Variants in ACAP2 observed in about 807,000 individuals in gnomAD.
The protein encoded by ACAP2 is ArfGAP with coiled-coil, ankyrin repeat and PH domains 2, also known as arf-GAP with coiled-coil, ANK repeat and PH domain-containing protein 2.
Under a neutral mutation model 115.8 loss-of-function variants are expected in ACAP2, and 39 were observed. That is an observed-to-expected ratio of 0.34 (90% CI 0.26 to 0.44). The LOEUF (loss-of-function observed/expected upper bound fraction) is 0.44. Among genes scored for constraint, ACAP2 ranks in the 20% least tolerant of loss-of-function variants. The pLI, the probability that ACAP2 is intolerant of heterozygous loss-of-function variation, is 1.00. For missense variants in ACAP2, 662 were observed against 927.6 expected (o/e 0.71, Z 3.72); for synonymous variants, 289 against 315.8 (o/e 0.92, Z 0.90).
chr3:195,374,217 C>A (rs936422955), intron 4 of ACAP2, among the ~76,000 whole-genome samples: 1 of 152,042 alleles, frequency 6.6e-6, no homozygotes, highest in African/African-American at 2.4e-5. Flanking sequence ...GAAACCCCAT[C>A]TCTACTAAAA....
chr3:195,381,939 G>C lies in ACAP2; in HGVS notation c.195C>G (p.Asp65Glu), dbSNP rs1334278081. Residue 65 changes from aspartate (D) to glutamate (E), a missense_variant, in exon 3 of 23, where the codon GAC (aspartate) becomes GAG (glutamate). This residue lies in a region of ACAP2 where 401 missense variants were observed against 604.4 expected (regional missense o/e 0.66). Coordinates refer to ENST00000326793, the MANE Select transcript of ACAP2 (RefSeq NM_012287.6). Reference sequence around the variant, plus strand: ...CATCATTACTAGAATACTGAGCCAGGTCTCGAATCCCATTCATGAACTGTT... The same window carrying C: ...CATCATTACTAGAATACTGAGCCAGCTCTCGAATCCCATTCATGAACTGTT... ...ANKQFMNGIRDLAQYSSNDAV... is the reference protein window; with the variant it reads ...ANKQFMNGIRELAQYSSNDAV... 1 of 1,611,306 alleles carries C rather than the reference G, an allele frequency of 6.2e-7. No individual in the cohort carries two copies. The highest frequency in any genetic ancestry group is 1.3e-5 in the African/African-American group (1 of 74,576).
At chr3:195,337,826 A>G (rs564147771) in intron 6 of ACAP2, among the ~76,000 whole-genome samples, 2 of 151,266 alleles carry the variant, frequency 1.3e-5, no homozygotes, top group African/African-American at 4.8e-5. Context: ...GGCAAGGCCC[A>G]GTGTGATGTG....
chr3:195,301,278 G>C (rs1480753354), intron 15 of ACAP2, among the ~76,000 whole-genome samples: 2 of 152,008 alleles, frequency 1.3e-5, no homozygotes, highest in South Asian at 4.1e-4. Context: ...AGTAGAGACG[G>C]GGTTTCACCG....
chr3:195,342,457 A>G lies in ACAP2; in HGVS notation c.528+14T>C. The G allele has an allele frequency of 6.3e-7, 1 of 1,583,318 alleles. No homozygotes were observed. ...AGCACTGTCTGAAAACATACACAGT[A>G]AGAAACTATATACCTGAAGCACATA... On this transcript the variant is annotated intron_variant, in intron 6 of 22. Coordinates refer to ENST00000326793, the MANE Select transcript of ACAP2 (RefSeq NM_012287.6).
intron 4 of ACAP2, among the ~76,000 whole-genome samples, chr3:195,365,767 T>C (rs1021841767): frequency 6.6e-6 from 1 of 152,178 alleles, no homozygotes; most frequent in African/African-American, 2.4e-5. Flanking sequence ...AACTCTTCTT[T>C]GCAATCATCA....
intron 4 of ACAP2, among the ~76,000 whole-genome samples, chr3:195,352,263 T>TAGG (rs1560276558): frequency 6.6e-6 from 1 of 152,202 alleles, no homozygotes; most frequent in Non-Finnish European, 1.5e-5. Flanking sequence ...CCTAGGTGTG[T>TAGG]AGGAGGCTAC....
intron 4 of ACAP2, among the ~76,000 whole-genome samples, chr3:195,359,155 C>T (rs1334415084): frequency 6.6e-6 from 1 of 152,058 alleles, no homozygotes; most frequent in Non-Finnish European, 1.5e-5. Context: ...TTCATCAACA[C>T]CAGACCTGTC....
At chr3:195,424,078 G>A (rs1714412094) in intron 1 of ACAP2, among the ~76,000 whole-genome samples, 1 of 151,368 alleles carries the variant, frequency 6.6e-6, no homozygotes, top group South Asian at 2.1e-4. Flanking sequence ...TACTGAAGAT[G>A]GTTCAAGATT....
In ACAP2 at chr3:195,301,564, AT is replaced by A. The variant is rs758344235; in HGVS notation, c.1395+10del. The stretch of plus-strand genomic sequence containing the variant: ...AAATATGAAATATTTTAAAGCAAAA[AT>A]TTTTTTTACCTTTAAAAGTTCTGGC... On this transcript the variant is annotated intron_variant, in intron 15 of 22. Transcript: ENST00000326793. 12 of 1,582,678 alleles carry A rather than the reference AT, an allele frequency of 7.6e-6. No individual in the cohort carries two copies. Among genetic ancestry groups the A allele is most frequent in the Admixed American group, 1.8e-5 (1 of 54,170 alleles).
intron 1 of ACAP2, among the ~76,000 whole-genome samples, chr3:195,439,191 C>CTTTT (rs3072388): frequency 3.0e-5 from 4 of 133,274 alleles, no homozygotes; most frequent in African/African-American, 2.8e-5. Flanking sequence ...AGGCTAAGGC[C>CTTTT]TTTTTTTTTT....
chr3:195,321,985 G>C (rs1344736134), intron 9 of ACAP2, among the ~76,000 whole-genome samples: 2 of 152,172 alleles, frequency 1.3e-5, no homozygotes, highest in Non-Finnish European at 2.9e-5. Flanking sequence ...AAAGGAAACA[G>C]ATCTTAGTCT....
chr3:195,395,248 T>G (rs1414858458), intron 1 of ACAP2, among the ~76,000 whole-genome samples: 2 of 152,076 alleles, frequency 1.3e-5, no homozygotes, highest in African/African-American at 4.8e-5. Context: ...AGCTTAAAAT[T>G]TAATTTAAAA....
rs776027773 is a variant in ACAP2 at position 195,342,535 on chromosome 3, G to C, written c.464C>G (p.Ala155Gly). 1.2e-6 allele frequency: 2 copies of C among 1,612,646 alleles called. No homozygotes were observed. Among genetic ancestry groups the C allele is most frequent in the South Asian group, 1.1e-5 (1 of 90,514 alleles). The stretch of plus-strand genomic sequence containing the variant: ...TCTTGTTGCTGTCAGAATGTTGGTG[G>C]CTTCTTCAACTTCATGTTGTTTGTT... ...QRNKQHEVEE[A>G]TNILTATRKC... The change falls in exon 6 of 23, where the codon GCC becomes GGC. Residue 155 changes from alanine (A) to glycine (G), a missense_variant. Ala to Gly is a moderately conservative substitution (Grantham distance 60). Around this residue, in one of 3 missense-constraint regions of ACAP2, gnomAD observed 401 missense variants for 604.4 expected, o/e 0.66. Coordinates refer to ENST00000326793, the MANE Select transcript of ACAP2 (RefSeq NM_012287.6).
chr3:195,412,848 G>C (rs777337227), intron 1 of ACAP2: 3 of 448,760 alleles, frequency 6.7e-6, no homozygotes, highest in South Asian at 4.7e-5. Flanking sequence ...GCACTTACTG[G>C]ATGTCACGCA....
intron 1 of ACAP2, among the ~76,000 whole-genome samples, chr3:195,405,223 G>A (rs1712654409): frequency 6.6e-6 from 1 of 152,108 alleles, no homozygotes; most frequent in South Asian, 2.1e-4. Context: ...TATAAAATTA[G>A]GATTGATTGC....
chr3:195,316,437 G>A lies in ACAP2; in HGVS notation c.857+4264C>T, dbSNP rs570975683. 4.6e-5 allele frequency among the ~76,000 whole-genome samples: 7 copies of A among 151,880 alleles called. No homozygotes were observed. In the South Asian group the frequency reaches 6.3e-4, roughly 14 times the overall value. On this transcript the variant is annotated intron_variant, in intron 10 of 22. Transcript: ENST00000326793. ...TTAAGAGACAGAGTCTCACTGTGTC[G>A]CCCAGACTGGAAGTGCAGTGGCACA... is the stretch of plus-strand genomic sequence containing the variant.
At chr3:195,439,086 A>T (rs1715807318) in intron 1 of ACAP2, among the ~76,000 whole-genome samples, 1 of 152,120 alleles carries the variant, frequency 6.6e-6, no homozygotes, top group Admixed American at 6.5e-5. Flanking sequence ...TCATATCTGA[A>T]ATAGAATCTA....
chr3:195,350,752 C>A, intron 4 of ACAP2, among the ~76,000 whole-genome samples: 1 of 151,054 alleles, frequency 6.6e-6, no homozygotes. Flanking sequence ...CAAAAGGTGC[C>A]AATAAAGATG....
At chr3:195,387,501 A>C (rs1251723416) in intron 2 of ACAP2, among the ~76,000 whole-genome samples, 1 of 152,182 alleles carries the variant, frequency 6.6e-6, no homozygotes, top group Non-Finnish European at 1.5e-5. Flanking sequence ...TGTATACACC[A>C]AGTACACAAA....
Sources: allele counts gnomAD v4.1 joint callset (sites outside exome capture counted in the v4.1 genomes callset), GRCh38; gene constraint gnomAD v4.1.1; regional missense constraint gnomAD v4.1.1; transcripts MANE v1.5; gene names NCBI Gene and HGNC (gene_info 2026-07-23, HGNC 2026-07-21).